Variants in PAK5 observed in about 807,000 individuals in gnomAD.
PAK5 encodes serine/threonine-protein kinase PAK 5.
In PAK5, 16 loss-of-function variants were observed where a neutral mutation model predicts 65.9. The ratio of observed to expected loss-of-function variants is 0.24; its 90% CI spans 0.16 to 0.37. The LOEUF (loss-of-function observed/expected upper bound fraction) is 0.37. Among genes scored for constraint, PAK5 ranks in the 10% least tolerant of loss-of-function variants. The pLI, the probability that PAK5 is intolerant of heterozygous loss-of-function variation, is 1.00. For synonymous variants in PAK5, 371 were observed against 354.9 expected (o/e 1.05, Z -0.51); for missense variants, 785 against 903.9 (o/e 0.87, Z 1.69).
chr20:9,836,258 C>T (rs141681182), intron 1 of PAK5, among the ~76,000 whole-genome samples: 2 of 152,240 alleles, frequency 1.3e-5, no homozygotes, highest in Admixed American at 6.5e-5. Flanking sequence ...AAGAGTGTCT[C>T]CCAAGAATTC....
chr20:9,665,647 T>TATTTC (rs1262659265), intron 2 of PAK5, among the ~76,000 whole-genome samples: 3 of 150,128 alleles, frequency 2.0e-5, no homozygotes, highest in Non-Finnish European at 4.5e-5. Context: ...CAGGTCTCAA[T>TATTTC]ATTTCTTTTC....
At chr20:9,788,780 T>G (rs889469926) in intron 1 of PAK5, among the ~76,000 whole-genome samples, 1 of 152,158 alleles carries the variant, frequency 6.6e-6, no homozygotes. Flanking sequence ...GGTTCCAAGA[T>G]TCAGCTTAAT....
chr20:9,689,184 T>TC (rs2123427160), intron 2 of PAK5, among the ~76,000 whole-genome samples: 1 of 152,314 alleles, frequency 6.6e-6, no homozygotes, highest in Non-Finnish European at 1.5e-5. Flanking sequence ...TCAGGAGGTG[T>TC]CACTGCTCTG....
At chr20:9,549,784 G>A (rs183242723) in intron 7 of PAK5, among the ~76,000 whole-genome samples, 4 of 152,204 alleles carry the variant, frequency 2.6e-5, no homozygotes, top group Admixed American at 6.5e-5. Context: ...GTAAAGTGCC[G>A]ATTTGCTGAG....
At chr20:9,628,843 G>A (rs934163087) in intron 3 of PAK5, among the ~76,000 whole-genome samples, 5 of 152,200 alleles carry the variant, frequency 3.3e-5, no homozygotes, top group African/African-American at 1.2e-4. Flanking sequence ...CAAGTGTGGA[G>A]TTGCCAGGAA....
chr20:9,565,868 A>C (rs1163040259), intron 5 of PAK5, 25 bp downstream of exon 5: 2 of 1,583,456 alleles, frequency 1.3e-6, no homozygotes, highest in African/African-American at 1.4e-5. Context: ...AAGGAGAGAA[A>C]GGATGACCCA....
intron 1 of PAK5, among the ~76,000 whole-genome samples, chr20:9,803,903 G>A (rs1377751323): frequency 6.6e-6 from 1 of 152,134 alleles, no homozygotes; most frequent in East Asian, 1.9e-4. Context: ...AGCTGGAGAA[G>A]TTGGTTTTCT....
chr20:9,790,369 C>T (rs1210962410), intron 1 of PAK5, among the ~76,000 whole-genome samples: 1 of 151,892 alleles, frequency 6.6e-6, no homozygotes, highest in Non-Finnish European at 1.5e-5. Context: ...TGAGATAACA[C>T]ATGAAAAGAG....
At chr20:9,580,079 G>T in intron 4 of PAK5, 66 bp downstream of exon 4, 1 of 1,350,026 alleles carries the variant, frequency 7.4e-7, no homozygotes. Context: ...GTATAAAAAG[G>T]TCGTGCCAGC....
chr20:9,665,055 GCACACCACCAT>G (rs2047395873), intron 2 of PAK5, among the ~76,000 whole-genome samples: 1 of 142,814 alleles, frequency 7.0e-6, no homozygotes, highest in Non-Finnish European at 1.5e-5. Flanking sequence ...AACTATAGGT[GCACACCACCAT>G]GCCCAGCTAA....
At chr20:9,539,892 A>G (rs1386787146) in intron 9 of PAK5, among the ~76,000 whole-genome samples, 1 of 152,240 alleles carries the variant, frequency 6.6e-6, no homozygotes, top group Non-Finnish European at 1.5e-5. Context: ...CACAGTGATA[A>G]GAGCAGCTAT....
At chr20:9,762,203 C>T (rs1455001601) in intron 1 of PAK5, among the ~76,000 whole-genome samples, 1 of 152,068 alleles carries the variant, frequency 6.6e-6, no homozygotes, top group Non-Finnish European at 1.5e-5. Flanking sequence ...TTGGTCTTGG[C>T]AGTAAATTTT....
At chr20:9,800,653 T>C (rs1215800013) in intron 1 of PAK5, among the ~76,000 whole-genome samples, 1 of 152,160 alleles carries the variant, frequency 6.6e-6, no homozygotes, top group Non-Finnish European at 1.5e-5. Flanking sequence ...AACTTCTCCA[T>C]GGCTGACGAA....
chr20:9,551,433 G>T (rs1474506033), intron 7 of PAK5, among the ~76,000 whole-genome samples: 2 of 152,166 alleles, frequency 1.3e-5, no homozygotes, highest in East Asian at 3.9e-4. Context: ...CTCAGACAAA[G>T]CTGCAATTTA....
intron 1 of PAK5, among the ~76,000 whole-genome samples, chr20:9,835,667 T>G (rs2123795753): frequency 6.6e-6 from 1 of 152,136 alleles, no homozygotes; most frequent in South Asian, 2.1e-4. Flanking sequence ...AGTTTGATAG[T>G]GGTGGTGGTG....
intron 1 of PAK5, among the ~76,000 whole-genome samples, chr20:9,743,816 C>G (rs960129422): frequency 6.6e-6 from 1 of 152,084 alleles, no homozygotes; most frequent in Admixed American, 6.6e-5. Flanking sequence ...CAAAAGATAT[C>G]CACGTCCTCA....
chr20:9,633,829 A>C lies in PAK5; in HGVS notation c.204+10296T>G, dbSNP rs149146008. 2.0e-3 allele frequency among the ~76,000 whole-genome samples: 308 copies of C among 152,320 alleles called. 2 individuals are homozygous for C. Among genetic ancestry groups the C allele is most frequent in the African/African-American group, 7.0e-3 (292 of 41,556 alleles). On this transcript the variant is annotated intron_variant, in intron 3 of 9. Transcript: ENST00000353224. ...TGGGAACAGCATTTTGAACCATGAG[A>C]AGAGGCCTTCAGGGATAGATCTAAC... is the stretch of plus-strand genomic sequence containing the variant.
intron 3 of PAK5, among the ~76,000 whole-genome samples, chr20:9,633,857 T>C (rs1312470597): frequency 6.6e-6 from 1 of 152,176 alleles, no homozygotes; most frequent in Non-Finnish European, 1.5e-5. Context: ...GATCTAACCA[T>C]TGGTGGTAAA....
At chr20:9,672,932 G>C (rs1302872985) in intron 2 of PAK5, among the ~76,000 whole-genome samples, 3 of 152,096 alleles carry the variant, frequency 2.0e-5, no homozygotes, top group Non-Finnish European at 2.9e-5. Flanking sequence ...TGCATTAGAT[G>C]GGAAATGTCT....
Sources: allele counts gnomAD v4.1 joint callset (sites outside exome capture counted in the v4.1 genomes callset), GRCh38; gene constraint gnomAD v4.1.1; transcripts MANE v1.5; gene names NCBI Gene and HGNC (gene_info 2026-07-23, HGNC 2026-07-21).